WDR47: variants seen among roughly 807,000 people sequenced by gnomAD.
WDR47 encodes WD repeat domain 47.
Under a neutral mutation model 97.2 loss-of-function variants are expected in WDR47, and 32 were observed. The ratio of observed to expected loss-of-function variants is 0.33; its 90% CI spans 0.25 to 0.44. WDR47 has a LOEUF of 0.44. WDR47 is among the 20% of genes least tolerant of loss of function. The probability of loss-of-function intolerance (pLI) is 1.00; values close to 1 mark genes in which losing one functional copy is unlikely to be tolerated. For missense variants in WDR47, 782 were observed against 1,102.3 expected, an observed-to-expected ratio of 0.71 and a Z score of 4.11; for synonymous variants, 375 against 373.5, an observed-to-expected ratio of 1.00 and a Z score of -0.05.
At chr1:108,971,661 T>C (rs1657464710) in intron 14 of WDR47, 89 bp from the exon 15 acceptor site, 1 of 1,433,148 alleles carries the variant, frequency 7.0e-7, no homozygotes, top group African/African-American at 1.4e-5. Flanking sequence ...GACATTACAG[T>C]ATAAAAAATC....
chr1:108,974,191 T>C (rs1420510269), intron 14 of WDR47, among the ~76,000 whole-genome samples: 3 of 151,594 alleles, frequency 2.0e-5, no homozygotes, highest in Non-Finnish European at 4.4e-5. Flanking sequence ...CGAGACCCTG[T>C]CTCAAAAACA....
chr1:109,032,101 C>A (rs1299012086), intron 1 of WDR47, among the ~76,000 whole-genome samples: 2 of 139,108 alleles, frequency 1.4e-5, no homozygotes, highest in Non-Finnish European at 3.2e-5. Flanking sequence ...CACCTGGCCT[C>A]AATCTTTCTT....
chr1:108,977,244 C>CA, intron 13 of WDR47, among the ~76,000 whole-genome samples: 1 of 152,234 alleles, frequency 6.6e-6, no homozygotes, highest in East Asian at 1.9e-4. Flanking sequence ...CTCCGCCTCC[C>CA]AGGTTCAAGC....
chr1:109,041,521 T>A (rs1476537701), intron 1 of WDR47: 1 of 152,266 alleles, frequency 6.6e-6, no homozygotes, highest in Admixed American at 6.5e-5. Flanking sequence ...GGCACGAACC[T>A]CGCGCTCACT....
chr1:108,984,352 A>C (rs542845174), intron 10 of WDR47, among the ~76,000 whole-genome samples: 1 of 152,312 alleles, frequency 6.6e-6, no homozygotes, highest in Admixed American at 6.5e-5. Context: ...GAAAATGTAC[A>C]TGTTTCTGGA....
At chr1:108,976,741 A>G (rs1459951427) in intron 13 of WDR47, among the ~76,000 whole-genome samples, 1 of 152,212 alleles carries the variant, frequency 6.6e-6, no homozygotes, top group Non-Finnish European at 1.5e-5. Context: ...GTTAAGACCT[A>G]AAGACACGAA....
intron 1 of WDR47, among the ~76,000 whole-genome samples, chr1:109,025,589 C>T (rs1256715173): frequency 2.0e-5 from 3 of 151,992 alleles, no homozygotes; most frequent in Admixed American, 6.6e-5. Flanking sequence ...CAAAAATTAG[C>T]GGAGCGTGGT....
intron 12 of WDR47, 35 bp from the exon 13 acceptor site, chr1:108,981,899 G>GA (rs1169249757): frequency 6.3e-7 from 1 of 1,597,476 alleles, no homozygotes; most frequent in East Asian, 2.3e-5. Flanking sequence ...ATTAAGGTGG[G>GA]AGAGTATCTT....
At chr1:109,039,562 T>C (rs868593533) in intron 1 of WDR47, among the ~76,000 whole-genome samples, 2 of 152,316 alleles carry the variant, frequency 1.3e-5, no homozygotes, top group South Asian at 2.1e-4. Context: ...CCAGCCGGTA[T>C]AAACCCTTTT....
rs1411775664 is a variant in WDR47, at chr1:109,030,929, A to G, written c.-9-7408T>C. 1.4e-5 allele frequency among the ~76,000 whole-genome samples: 2 copies of G among 139,466 alleles called. 1 individual carries two copies. Among genetic ancestry groups the G allele is most frequent in the Non-Finnish European group, 3.2e-5 (2 of 62,798 alleles). The allele number at this position is 139,466 out of a possible 152,430, so 91.5% of individuals were successfully genotyped here. Reference sequence around the variant, plus strand: ...TATGGGCCTCAATTTCTTCATTCATAAAGTAAGGGGATTCGTTTGTCTAAT... The same window carrying G: ...TATGGGCCTCAATTTCTTCATTCATGAAGTAAGGGGATTCGTTTGTCTAAT... On this transcript the variant is annotated intron_variant, in intron 1 of 14. Coordinates refer to ENST00000369962, the MANE Select transcript of WDR47 (RefSeq NM_001142551.2).
At chr1:109,012,581 A>AAAAC (rs954066305) in intron 4 of WDR47, among the ~76,000 whole-genome samples, 1 of 151,068 alleles carries the variant, frequency 6.6e-6, no homozygotes, top group Non-Finnish European at 1.5e-5. Context: ...TCAAAAAAAA[A>AAAAC]AAAAAAAAAC....
intron 14 of WDR47, among the ~76,000 whole-genome samples, chr1:108,973,933 C>T (rs1308993825): frequency 6.6e-6 from 1 of 151,766 alleles, no homozygotes. Context: ...ATGGCTCACG[C>T]CTATAATCCC....
intron 1 of WDR47, among the ~76,000 whole-genome samples, chr1:109,028,886 C>A (rs1324182636): frequency 1.3e-5 from 2 of 151,970 alleles, no homozygotes; most frequent in Middle Eastern, 3.2e-3. Flanking sequence ...AATCTATATT[C>A]CATCCTTGCC....
intron 10 of WDR47, 59 bp downstream of exon 10, chr1:108,986,464 C>A (rs992363965): frequency 2.1e-6 from 3 of 1,454,384 alleles, no homozygotes; most frequent in South Asian, 1.6e-5. Context: ...GAAAAAGGAA[C>A]CTATACGGCT....
At chr1:109,021,819 G>A (rs570444443) in intron 2 of WDR47, among the ~76,000 whole-genome samples, 3 of 151,728 alleles carry the variant, frequency 2.0e-5, no homozygotes, top group East Asian at 3.9e-4. Flanking sequence ...AAGCCACCAC[G>A]CCTGGCCTTT....
At position 108,974,735 on chromosome 1, in the gene WDR47, T is replaced by C; in HGVS notation, c.2418A>G (p.Val806=). The change falls in exon 14 of 15, where the codon GTA becomes GTG. Residue 806 remains valine, a synonymous_variant. Transcript: ENST00000369962. ...FHGTGSAVAS[V]AVDPSGRLLA... ...AGAGACGACCACTGGGATCTACAGC[T>C]ACAGATGCCACTGCACTGCCTGTAG... 5.6e-6 allele frequency: 9 copies of C among 1,611,814 alleles called. No individual in the cohort carries two copies. Among genetic ancestry groups the C allele is most frequent in the Non-Finnish European group, 7.6e-6 (9 of 1,178,886 alleles).
At chr1:108,997,798 G>A (rs1659877691) in intron 7 of WDR47, among the ~76,000 whole-genome samples, 1 of 150,132 alleles carries the variant, frequency 6.7e-6, no homozygotes, top group Non-Finnish European at 1.5e-5. Context: ...GGAAAGGAAA[G>A]GGGAAAGGGG....
intron 10 of WDR47, among the ~76,000 whole-genome samples, chr1:108,984,975 C>T (rs1025061477): frequency 5.9e-5 from 9 of 152,174 alleles, no homozygotes; most frequent in Non-Finnish European, 4.4e-5. Context: ...CCAAGTCCCA[C>T]CGATTCCTTC....
chr1:108,983,785 TA>T (rs34460705), intron 10 of WDR47, among the ~76,000 whole-genome samples: 28,414 of 150,616 alleles, frequency 0.19, 2,959 homozygotes, highest in African/African-American at 0.25. Flanking sequence ...CTTCCAAATT[TA>T]AAAAAAAAAT....
Sources: gnomAD v4.1 joint callset for allele counts (sites outside exome capture counted in the v4.1 genomes callset) on GRCh38, gnomAD v4.1.1 for gene constraint, MANE v1.5 for transcripts, NCBI Gene and HGNC (gene_info 2026-07-23, HGNC 2026-07-21) for gene names.